CKAP5: variants seen among roughly 807,000 people sequenced by gnomAD.
CKAP5 encodes the protein cytoskeleton-associated protein 5.
Under a neutral mutation model 232.8 loss-of-function variants are expected in CKAP5, and 27 were observed. The observed-to-expected ratio is 0.12, with a 90% CI of 0.09 to 0.16. The LOEUF is 0.16. Among genes scored for constraint, CKAP5 ranks in the 10% least tolerant of loss-of-function variants. The pLI is 1.00. For missense variants in CKAP5, 1,838 were observed against 2,424.7 expected (o/e 0.76, Z 5.08); for synonymous variants, 785 against 841.1 (o/e 0.93, Z 1.16).
chr11:46,758,778 TG>T, intron 35 of CKAP5, 144 bp downstream of exon 35: 1 of 832,148 alleles, frequency 1.2e-6, no homozygotes, highest in Non-Finnish European at 1.8e-6. Context: ...GATGACTGAG[TG>T]GCACCTGTGC....
At chr11:46,800,466 A>G (rs941269115) in intron 9 of CKAP5, among the ~76,000 whole-genome samples, 4 of 152,244 alleles carry the variant, frequency 2.6e-5, no homozygotes, top group Non-Finnish European at 4.4e-5. Context: ...TGAAGGGGCT[A>G]GCAAGCTAAA....
chr11:46,808,159 A>G lies in CKAP5; in HGVS notation c.865-15T>C. 1 of 1,473,246 alleles carries G rather than the reference A, an allele frequency of 6.8e-7. No homozygotes were observed. Among genetic ancestry groups the G allele is most frequent in the South Asian group, 1.2e-5 (1 of 86,470 alleles). The allele number at this position is 1,473,246 out of a possible 1,614,324, so 91.3% of individuals were successfully genotyped here. On this transcript the variant is annotated splice_polypyrimidine_tract_variant and intron_variant, in intron 7 of 43. Transcript: ENST00000529230. ...TTTTTTGCCTCCTGCAAGATACAATATGAGTCATTTGTAACAGGAAATAAG... is the reference window on the plus strand; with the variant it reads ...TTTTTTGCCTCCTGCAAGATACAATGTGAGTCATTTGTAACAGGAAATAAG...
At chr11:46,815,632 A>T (rs1939381094) in intron 4 of CKAP5, among the ~76,000 whole-genome samples, 1 of 152,242 alleles carries the variant, frequency 6.6e-6, no homozygotes, top group Non-Finnish European at 1.5e-5. Flanking sequence ...ACAGGTCAGA[A>T]ATCTCTATTC....
At position 46,743,847 on chromosome 11, in the gene CKAP5, C is replaced by G. The variant is rs2065002456; in HGVS notation, c.*176G>C. Reference sequence around the variant, plus strand: ...GTCTTCTAGAGCAGCAGGACGCTGACAGAGAGAAGCAGAGTATGTACAAAT... The same window carrying G: ...GTCTTCTAGAGCAGCAGGACGCTGAGAGAGAGAAGCAGAGTATGTACAAAT... On this transcript the variant is annotated 3_prime_UTR_variant, in exon 44 of 44. Coordinates refer to ENST00000529230, the MANE Select transcript of CKAP5 (RefSeq NM_001008938.4). 4 of 745,214 alleles carry G rather than the reference C, an allele frequency of 5.4e-6. No homozygotes were observed. The South Asian group carries it at 7.3e-5, about 14-fold the overall frequency. The allele number at this position is 745,214 out of a possible 1,614,324, so 46.2% of individuals were successfully genotyped here. A position where few individuals can be genotyped will look rare whatever the true frequency, so the allele number is the denominator to read the frequency against.
In CKAP5 at chr11:46,752,185, T is replaced by C. The variant is rs1392168775; in HGVS notation, c.5133+450A>G. On this transcript the variant is annotated intron_variant, in intron 38 of 43. Transcript: ENST00000529230. ...TCATATATATATATATATATATATATATATATATACACACACACACACACA... is the reference window on the plus strand; with the variant it reads ...TCATATATATATATATATATATATACATATATATACACACACACACACACA... Among the ~76,000 whole-genome samples the C allele has an allele frequency of 0.017, 1,147 of 68,406 alleles. 97 individuals are homozygous for C. In the East Asian group the frequency reaches 0.32, roughly 19 times the overall value. The allele number at this position is 68,406 out of a possible 152,430, so 44.9% of individuals were successfully genotyped here. A position where few individuals can be genotyped will look rare whatever the true frequency, so the allele number is the denominator to read the frequency against.
At chr11:46,762,517 G>C (rs1372450846) in intron 31 of CKAP5, 110 bp downstream of exon 31, 2 of 1,317,336 alleles carry the variant, frequency 1.5e-6, no homozygotes, top group East Asian at 4.6e-5. Context: ...TCAGGAGGTT[G>C]GAATCAACTA....
intron 1 of CKAP5, among the ~76,000 whole-genome samples, chr11:46,834,859 A>G (rs1939879726): frequency 6.6e-6 from 1 of 152,042 alleles, no homozygotes; most frequent in Non-Finnish European, 1.5e-5. Flanking sequence ...GGGCTGGAAT[A>G]CAGTGGCACA....
chr11:46,780,167 A>G (rs2065327876), intron 20 of CKAP5, 27 bp downstream of exon 20: 3 of 1,612,866 alleles, frequency 1.9e-6, no homozygotes, highest in Non-Finnish European at 2.5e-6. Context: ...GTCCACTAAC[A>G]GATTGTATCA....
chr11:46,795,971 C>T (rs1331836182), intron 12 of CKAP5, among the ~76,000 whole-genome samples, 195 bp from the exon 13 acceptor site: 2 of 152,074 alleles, frequency 1.3e-5, no homozygotes, highest in Non-Finnish European at 2.9e-5. Context: ...TGAGACCAGC[C>T]TGGCCAACAT....
Position 46,774,849 on chromosome 11 carries a change from T to C in CKAP5, c.2991+1406A>G, listed in dbSNP as rs182715494. ...ATATAAAAATTAACTCAAGATGAAT[T>C]AAAGATTTAAACCTAAGACCTTAAA... On this transcript the variant is annotated intron_variant, in intron 24 of 43. Transcript: ENST00000529230. Among the ~76,000 whole-genome samples, 532 of 152,242 alleles carry C rather than the reference T, an allele frequency of 3.5e-3. 2 individuals are homozygous for C. The highest frequency in any genetic ancestry group is 0.012 in the African/African-American group (515 of 41,538).
In CKAP5 at chr11:46,796,929, A is replaced by C; in HGVS notation, c.1350T>G (p.Asp450Glu). 6.2e-7 allele frequency: 1 copy of C among 1,613,982 alleles called. No individual in the cohort carries two copies. The highest frequency in any genetic ancestry group is 8.5e-7 in the Non-Finnish European group (1 of 1,179,922). Residue 450 changes from aspartate (D) to glutamate (E), a missense_variant, in exon 12 of 44, where the codon GAT becomes GAG. Asp to Glu is a conservative substitution (Grantham distance 45). Around this residue, in one of 6 missense-constraint regions of CKAP5, gnomAD observed 767 missense variants for 954.6 expected, o/e 0.80. Transcript: ENST00000529230. ...FCAALLKHIN[D>E]SAPEVRDAAF... Reference sequence around the variant, plus strand: ...CGGCATCTCTGACTTCAGGAGCAGAATCATTGATGTGCTATAGTCCAGAAG... The same window carrying C: ...CGGCATCTCTGACTTCAGGAGCAGACTCATTGATGTGCTATAGTCCAGAAG...
rs562600530 is a variant in CKAP5 at position 46,759,559 on chromosome 11, C to T, written c.4395-117G>A. 795 of 1,011,666 alleles carry T rather than the reference C, an allele frequency of 7.9e-4. 2 individuals are homozygous for T. The highest frequency in any genetic ancestry group is 7.7e-4 in the Non-Finnish European group (545 of 710,988). 62.7% of individuals were successfully genotyped at this position (1,011,666 alleles called of 1,614,324 possible). ...CAGATGTTCAACTTCTGGTTTCAGCCCCCCTGAATGATTTAAGTCCCTGAG... is the reference window on the plus strand; with the variant it reads ...CAGATGTTCAACTTCTGGTTTCAGCTCCCCTGAATGATTTAAGTCCCTGAG... On this transcript the variant is annotated intron_variant, in intron 33 of 43. Coordinates refer to ENST00000529230, the MANE Select transcript of CKAP5 (RefSeq NM_001008938.4).
At chr11:46,818,281 A>G (rs1939450495) in intron 3 of CKAP5, 29 bp downstream of exon 3, 1 of 1,519,816 alleles carries the variant, frequency 6.6e-7, no homozygotes, top group Non-Finnish European at 8.8e-7. Context: ...AGGGGTTTTT[A>G]TCAGTAAAGT....
intron 13 of CKAP5, among the ~76,000 whole-genome samples, chr11:46,794,308 T>C (rs745483257): frequency 2.6e-5 from 4 of 151,392 alleles, no homozygotes; most frequent in African/African-American, 7.3e-5. Flanking sequence ...TATTAAAAAA[T>C]AAAAAATCAG....
At chr11:46,831,891 G>T (rs1252541152) in intron 1 of CKAP5, among the ~76,000 whole-genome samples, 1 of 148,324 alleles carries the variant, frequency 6.7e-6, no homozygotes, top group Non-Finnish European at 1.5e-5. Context: ...CTGAGACAGG[G>T]TCTTGCTTTG....
Position 46,743,515 on chromosome 11 carries a change from G to C in CKAP5, c.*508C>G, listed in dbSNP as rs1321818212. The C allele has an allele frequency of 1.3e-5, 2 of 157,470 alleles. No individual in the cohort carries two copies. Among genetic ancestry groups the C allele is most frequent in the African/African-American group, 4.8e-5 (2 of 41,462 alleles). 9.8% of individuals were successfully genotyped at this position (157,470 alleles called of 1,614,324 possible). ...AAAAAATTGCTGCCCAACACTCCAT[G>C]ATATGGAGCATCTTGGGAGTCAGGT... On this transcript the variant is annotated 3_prime_UTR_variant, in exon 44 of 44. Transcript: ENST00000529230.
intron 24 of CKAP5, among the ~76,000 whole-genome samples, chr11:46,775,517 G>C (rs1379067222): frequency 6.6e-6 from 1 of 152,180 alleles, no homozygotes; most frequent in East Asian, 1.9e-4. Flanking sequence ...AAAGACACAT[G>C]CATACGTATG....
intron 1 of CKAP5, among the ~76,000 whole-genome samples, chr11:46,823,929 T>C (rs540475788): frequency 7.9e-5 from 12 of 152,234 alleles, no homozygotes; most frequent in Non-Finnish European, 1.5e-4. Context: ...TTTCAATAAA[T>C]ATTTGTTTAT....
intron 42 of CKAP5, among the ~76,000 whole-genome samples, chr11:46,748,923 C>T (rs1241351680): frequency 6.6e-6 from 1 of 151,518 alleles, no homozygotes; most frequent in Non-Finnish European, 1.5e-5. Context: ...CCTCCGCCTC[C>T]TGGGTTCAAG....
Sources: allele counts gnomAD v4.1 joint callset (sites outside exome capture counted in the v4.1 genomes callset), GRCh38; gene constraint gnomAD v4.1.1; regional missense constraint gnomAD v4.1.1; transcripts MANE v1.5; gene names NCBI Gene and HGNC (gene_info 2026-07-23, HGNC 2026-07-21).